ASIC1: variants seen among roughly 807,000 people sequenced by gnomAD.
ASIC1 encodes acid sensing ion channel subunit 1, also known as acid-sensing ion channel 1.
In ASIC1, 21 loss-of-function variants were observed where a neutral mutation model predicts 63.4. The observed-to-expected ratio is 0.33, with a 90% CI of 0.23 to 0.48. The LOEUF (loss-of-function observed/expected upper bound fraction) is 0.48. ASIC1 is among the 20% of genes least tolerant of loss of function. ASIC1 has a pLI of 0.99. For synonymous variants in ASIC1, 258 were observed against 278.2 expected, an observed-to-expected ratio of 0.93 and a Z score of 0.72; for missense variants, 478 against 695.5, an observed-to-expected ratio of 0.69 and a Z score of 3.52.
chr12:50,079,396 G>A (rs1196914218), intron 7 of ASIC1, among the ~76,000 whole-genome samples: 1 of 152,098 alleles, frequency 6.6e-6, no homozygotes, highest in Admixed American at 6.5e-5. Flanking sequence ...CTGGGTGACA[G>A]AGCAAGACCC....
chr12:50,073,629 G>A, intron 3 of ASIC1: 3 of 1,535,928 alleles, frequency 2.0e-6, no homozygotes, highest in Non-Finnish European at 2.6e-6. Context: ...CCTCTGGAGA[G>A]GAAGCCCCAG....
intron 3 of ASIC1, among the ~76,000 whole-genome samples, chr12:50,076,547 T>C (rs889526034): frequency 1.3e-5 from 2 of 151,210 alleles, no homozygotes; most frequent in Non-Finnish European, 2.9e-5. Flanking sequence ...AGAGAAGATA[T>C]GTCTTGGAGG....
At chr12:50,061,558 C>T (rs375378842) in intron 3 of ASIC1, among the ~76,000 whole-genome samples, 5 of 152,126 alleles carry the variant, frequency 3.3e-5, no homozygotes, top group East Asian at 1.9e-4. Flanking sequence ...AAGCCAGAGC[C>T]GCCTCCCTCC....
At chr12:50,066,420 G>A (rs1475220621) in intron 3 of ASIC1, among the ~76,000 whole-genome samples, 1 of 152,026 alleles carries the variant, frequency 6.6e-6, no homozygotes, top group Non-Finnish European at 1.5e-5. Flanking sequence ...AGGCAGGAAG[G>A]GCAAGAAAGG....
chr12:50,082,071 A>C lies in ASIC1; in HGVS notation c.*422A>C. 5.2e-6 allele frequency: 1 copy of C among 190,672 alleles called. No individual in the cohort carries two copies. Among genetic ancestry groups the C allele is most frequent in the African/African-American group, 2.4e-5 (1 of 42,112 alleles). 11.8% of individuals were successfully genotyped at this position (190,672 alleles called of 1,614,324 possible). A position where few individuals can be genotyped will look rare whatever the true frequency, so the allele number is the denominator to read the frequency against. On this transcript the variant is annotated 3_prime_UTR_variant, in exon 12 of 12. Transcript: ENST00000447966. ...CTGGAATTTGGCCCCAAACCAGAGAATGTACCTTAAGGGGGAGGGCTAGTG... is the reference window on the plus strand; with the variant it reads ...CTGGAATTTGGCCCCAAACCAGAGACTGTACCTTAAGGGGGAGGGCTAGTG...
intron 3 of ASIC1, among the ~76,000 whole-genome samples, chr12:50,076,035 A>G (rs572624945): frequency 1.8e-4 from 28 of 152,342 alleles, no homozygotes; most frequent in Admixed American, 9.8e-4. Context: ...GCTCAGTCCC[A>G]AGTGCTGGAA....
chr12:50,072,992 A>G (rs560932059), intron 3 of ASIC1, among the ~76,000 whole-genome samples: 2 of 152,286 alleles, frequency 1.3e-5, no homozygotes, highest in South Asian at 4.1e-4. Flanking sequence ...CAGGTATCCC[A>G]GAGGAATAAC....
Position 50,078,633 on chromosome 12 carries a change from C to T in ASIC1, c.994+56C>T. On this transcript the variant is annotated intron_variant, in intron 6 of 11. Coordinates refer to ENST00000447966, the MANE Select transcript of ASIC1 (RefSeq NM_001095.4). The surrounding 1 kb of genome is among the most constrained non-coding windows in gnomAD (Gnocchi z 6.0). ...GGGTCCCTGGGCCTTTGCTGCCCTT[C>T]ACTAGCTCCCCATCCATATCAATCT... The T allele has an allele frequency of 1.2e-6, 2 of 1,603,096 alleles. No individual in the cohort carries two copies. The highest frequency in any genetic ancestry group is 1.7e-6 in the Non-Finnish European group (2 of 1,173,470).
In ASIC1 at chr12:50,078,213, G is replaced by A; in HGVS notation, c.837+86G>A. On this transcript the variant is annotated intron_variant, in intron 5 of 11. Transcript: ENST00000447966. The surrounding 1 kb of genome is among the most constrained non-coding windows in gnomAD (Gnocchi z 6.0). ...TGGGCAATCAGTAATGGGAAGGACA[G>A]GTGAGCAAGGACCTGGGTGGTAATC... The A allele has an allele frequency of 1.9e-6, 3 of 1,549,146 alleles. No individual in the cohort carries two copies. The highest frequency in any genetic ancestry group is 2.6e-6 in the Non-Finnish European group (3 of 1,150,254).
Position 50,078,540 on chromosome 12 carries a change from G to C in ASIC1, c.957G>C (p.Leu319=), listed in dbSNP as rs1448057669. 6.2e-7 allele frequency: 1 copy of C among 1,614,114 alleles called. No individual in the cohort carries two copies. Among genetic ancestry groups the C allele is most frequent in the East Asian group, 2.2e-5 (1 of 44,890 alleles). Residue 319 remains leucine, a synonymous_variant, in exon 6 of 12, where the codon CTG becomes CTC. Transcript: ENST00000447966. The surrounding 1 kb of genome is among the most constrained non-coding windows in gnomAD (Gnocchi z 6.0). ...ACRIDCETRY[L]VENCNCRMVH... ...GCATCGACTGTGAGACGCGCTACCT[G>C]GTGGAGAACTGCAACTGCCGCATGG...
Position 50,062,401 on chromosome 12 carries a change from G to A in ASIC1, c.558+2447G>A, listed in dbSNP as rs370139083. ...ACAGGAAACACCTGTCTATAGGGTC[G>A]ATCTAAGGGAGACCATCTTGGCATC... On this transcript the variant is annotated intron_variant, in intron 3 of 11. Coordinates refer to ENST00000447966, the MANE Select transcript of ASIC1 (RefSeq NM_001095.4). 5.3e-5 allele frequency among the ~76,000 whole-genome samples: 8 copies of A among 152,318 alleles called. No individual in the cohort carries two copies. The East Asian group carries it at 5.8e-4, about 11-fold the overall frequency.
intron 3 of ASIC1, among the ~76,000 whole-genome samples, chr12:50,063,752 G>A (rs998955928): frequency 2.0e-5 from 3 of 152,076 alleles, no homozygotes; most frequent in Non-Finnish European, 2.9e-5. Flanking sequence ...GGCTGTGGGC[G>A]CCTGATCCTG....
At position 50,081,309 on chromosome 12, in the gene ASIC1, A is replaced by G. The variant is rs1382277866; in HGVS notation, c.1427A>G (p.Lys476Arg). The G allele has an allele frequency of 6.2e-7, 1 of 1,611,380 alleles. No homozygotes were observed. The highest frequency in any genetic ancestry group is 1.3e-5 in the African/African-American group (1 of 74,898). Residue 476 changes from lysine to arginine, a missense_variant, in exon 11 of 12, where the codon AAA becomes AGA. Lys to Arg is a conservative substitution (Grantham distance 26). Around this residue, in one of 3 missense-constraint regions of ASIC1, gnomAD observed 104 missense variants for 97.0 expected, o/e 1.07. Transcript: ENST00000447966. Reference sequence around the variant, plus strand: ...CGAGGAAAATGCCAGAAGGAGGCCAAAAGGAGCAGTGCGGACAAGGGCGTG... The same window carrying G: ...CGAGGAAAATGCCAGAAGGAGGCCAGAAGGAGCAGTGCGGACAAGGGCGTG... ...CRRGKCQKEA[K>R]RSSADKGVAL...
chr12:50,073,534 C>A (rs963936887), intron 3 of ASIC1: 9 of 1,459,414 alleles, frequency 6.2e-6, no homozygotes, highest in Non-Finnish European at 8.1e-6. Flanking sequence ...CCCTCTGGCA[C>A]CTTCCCCCTT....
At chr12:50,060,959 C>T (rs1267913778) in intron 3 of ASIC1, among the ~76,000 whole-genome samples, 1 of 152,218 alleles carries the variant, frequency 6.6e-6, no homozygotes, top group Non-Finnish European at 1.5e-5. Context: ...AACTGAGACA[C>T]AGGCAGAATG....
At chr12:50,066,786 G>A (rs1004601375) in intron 3 of ASIC1, among the ~76,000 whole-genome samples, 1 of 152,078 alleles carries the variant, frequency 6.6e-6, no homozygotes, top group Non-Finnish European at 1.5e-5. Flanking sequence ...GATGACCTTG[G>A]CTACCACTTA....
At position 50,078,803 on chromosome 12, in the gene ASIC1, G is replaced by A. The variant is rs1295758261; in HGVS notation, c.995-121G>A. Reference sequence around the variant, plus strand: ...GTGGGTCACTTCTGGGGCAGCATGGGGGCCTGCCAGTCCTCCCTTCCCATC... The same window carrying A: ...GTGGGTCACTTCTGGGGCAGCATGGAGGCCTGCCAGTCCTCCCTTCCCATC... On this transcript the variant is annotated intron_variant, in intron 6 of 11. Transcript: ENST00000447966. The surrounding 1 kb of genome is among the most constrained non-coding windows in gnomAD (Gnocchi z 6.0). 2.2e-6 allele frequency: 3 copies of A among 1,344,928 alleles called. No individual in the cohort carries two copies. The highest frequency in any genetic ancestry group is 2.9e-5 in the African/African-American group (2 of 69,406). The allele number at this position is 1,344,928 out of a possible 1,614,324, so 83.3% of individuals were successfully genotyped here.
intron 3 of ASIC1, among the ~76,000 whole-genome samples, chr12:50,073,403 C>T (rs1399507630): frequency 1.3e-5 from 2 of 152,232 alleles, no homozygotes; most frequent in Admixed American, 6.5e-5. Flanking sequence ...TCCCATGCCC[C>T]GCCCCAGCCA....
intron 3 of ASIC1, chr12:50,073,552 C>T: frequency 1.4e-6 from 2 of 1,472,552 alleles, no homozygotes; most frequent in South Asian, 1.3e-5. Context: ...CTTCCTCCTG[C>T]AAATCCCTGG....
Sources: allele counts gnomAD v4.1 joint callset (sites outside exome capture counted in the v4.1 genomes callset), GRCh38; gene constraint gnomAD v4.1.1; regional missense constraint gnomAD v4.1.1; non-coding constraint Gnocchi (gnomAD v3.1); transcripts MANE v1.5; gene names NCBI Gene and HGNC (gene_info 2026-07-23, HGNC 2026-07-21).